FHL5: variants seen among roughly 807,000 people sequenced by gnomAD.
FHL5 encodes the protein four and a half LIM domains protein 5.
A neutral mutation model predicts 32.0 loss-of-function variants in FHL5; 33 were observed. The observed-to-expected ratio is 1.03, with a 90% CI of 0.78 to 1.38. The LOEUF is 1.38. Ranked by LOEUF, FHL5 falls within the 40% of genes most tolerant of loss-of-function variation. FHL5 has a pLI of 0.00. For synonymous variants in FHL5, 114 were observed against 113.6 expected, an observed-to-expected ratio of 1.00 and a Z score of -0.02; for missense variants, 336 against 343.9, an observed-to-expected ratio of 0.98 and a Z score of 0.18.
In FHL5 at chr6:96,618,335, A is replaced by G. The variant is rs1279686073; in HGVS notation, c.*2563A>G. On this transcript the variant is annotated 3_prime_UTR_variant, in exon 6 of 6. Transcript: ENST00000450218. ...AAAGCAAATCCCATGTGCCAATAAC[A>G]ACCAGATGGCTTGGAAGTAGCAGAG... Among the ~76,000 whole-genome samples, 1 of 152,348 alleles carries G rather than the reference A, an allele frequency of 6.6e-6. No homozygotes were observed. Among genetic ancestry groups the G allele is most frequent in the Non-Finnish European group, 1.5e-5 (1 of 68,028 alleles).
intron 4 of FHL5, among the ~76,000 whole-genome samples, chr6:96,610,291 A>G (rs1400307137): frequency 2.0e-5 from 3 of 152,180 alleles, no homozygotes; most frequent in African/African-American, 7.2e-5. Context: ...AGAAAAATAT[A>G]CAATAATTTC....
At chr6:96,580,988 T>G (rs1053218846) in intron 1 of FHL5, among the ~76,000 whole-genome samples, 6 of 152,208 alleles carry the variant, frequency 3.9e-5, no homozygotes, top group African/African-American at 1.4e-4. Flanking sequence ...GTTTATTGCT[T>G]ATATTTGAAA....
At position 96,610,573 on chromosome 6, in the gene FHL5, T is replaced by C; in HGVS notation, c.506T>C (p.Val169Ala). The change falls in exon 5 of 6, where the codon GTG becomes GCG. Residue 169 changes from valine to alanine, a missense_variant and splice_region_variant. Physicochemically the swap from Val to Ala is moderately conservative, Grantham distance 64 (BLOSUM62 0). Transcript: ENST00000450218. ...FAHYCNFCKK[V>A]ITSGGITFCD... The stretch of plus-strand genomic sequence containing the variant: ...TGCCTTTTCTGTGGTCTTTGGCAGG[T>C]GATAACTTCAGGTGGGATAACATTT... The C allele has an allele frequency of 6.2e-7, 1 of 1,612,648 alleles. No homozygotes were observed.
chr6:96,564,710 AC>A (rs1770315855), intron 1 of FHL5, among the ~76,000 whole-genome samples: 1 of 152,210 alleles, frequency 6.6e-6, no homozygotes, highest in Non-Finnish European at 1.5e-5. Flanking sequence ...AATCGAGGGA[AC>A]ATGATCTCTT....
At chr6:96,568,874 A>C (rs1269812021) in intron 1 of FHL5, among the ~76,000 whole-genome samples, 1 of 151,796 alleles carries the variant, frequency 6.6e-6, no homozygotes, top group Non-Finnish European at 1.5e-5. Context: ...AGCCAATGGA[A>C]TGTTGATTTT....
rs1771531291 is a variant in FHL5 at position 96,616,851 on chromosome 6, A to AT, written c.*1081dup. Among the ~76,000 whole-genome samples, 2 of 152,202 alleles carry AT rather than the reference A, an allele frequency of 1.3e-5. No individual in the cohort carries two copies. Among genetic ancestry groups the AT allele is most frequent in the African/African-American group, 4.8e-5 (2 of 41,446 alleles). On this transcript the variant is annotated 3_prime_UTR_variant, in exon 6 of 6. Coordinates refer to ENST00000450218, the MANE Select transcript of FHL5 (RefSeq NM_001322466.2). ...GAAAAAGAATAATTCACTGCTGATA[A>AT]TTCAGAACCTGCAAAGCAGCACAAT...
Position 96,617,359 on chromosome 6 carries a change from C to A in FHL5, c.*1587C>A, listed in dbSNP as rs1363609090. Among the ~76,000 whole-genome samples the A allele has an allele frequency of 6.6e-6, 1 of 152,142 alleles. No homozygotes were observed. The highest frequency in any genetic ancestry group is 1.5e-5 in the Non-Finnish European group (1 of 68,026). ...CTGCTGATTACAATTACCAAAATAGCATCACAGGAGATTCAATTAAAATTG... is the reference window on the plus strand; with the variant it reads ...CTGCTGATTACAATTACCAAAATAGAATCACAGGAGATTCAATTAAAATTG... On this transcript the variant is annotated 3_prime_UTR_variant, in exon 6 of 6. Transcript: ENST00000450218.
chr6:96,613,353 A>T (rs141407470), intron 5 of FHL5, among the ~76,000 whole-genome samples: 2 of 152,336 alleles, frequency 1.3e-5, no homozygotes, highest in East Asian at 3.9e-4. Context: ...CTCCAGATAT[A>T]GCTACCATAT....
chr6:96,597,965 C>T (rs115386455), intron 1 of FHL5, among the ~76,000 whole-genome samples: 1,764 of 152,220 alleles, frequency 0.012, 32 homozygotes, highest in African/African-American at 0.034. Context: ...CCTCAGGAAA[C>T]CATTGCAAAG....
chr6:96,596,825 C>A (rs1189487907), intron 1 of FHL5, among the ~76,000 whole-genome samples: 1 of 151,998 alleles, frequency 6.6e-6, no homozygotes, highest in Non-Finnish European at 1.5e-5. Context: ...TATAACTAAA[C>A]CTGAGTTAAT....
At chr6:96,606,095 C>A in intron 4 of FHL5, 24 bp downstream of exon 4, 1 of 1,592,484 alleles carries the variant, frequency 6.3e-7, no homozygotes, top group Non-Finnish European at 8.6e-7. Context: ...GAGGGTGAAG[C>A]TTGTGGAAAC....
rs113891466 is a variant in FHL5 at position 96,567,378 on chromosome 6, C to T, written c.-13+4023C>T. On this transcript the variant is annotated intron_variant, in intron 1 of 5. Transcript: ENST00000450218. ...ATTCATATGCCAATATCATGCTATC[C>T]GGGTTACTATAGTTTTGAAATATAT... Among the ~76,000 whole-genome samples, 674 of 151,866 alleles carry T rather than the reference C, an allele frequency of 4.4e-3. 4 individuals carry two copies. The highest frequency in any genetic ancestry group is 0.013 in the African/African-American group (523 of 41,482).
At chr6:96,595,751 C>T (rs1431797971) in intron 1 of FHL5, among the ~76,000 whole-genome samples, 1 of 151,568 alleles carries the variant, frequency 6.6e-6, no homozygotes, top group African/African-American at 2.4e-5. Flanking sequence ...AAGTTTTTAT[C>T]TCTTTTATTT....
intron 1 of FHL5, among the ~76,000 whole-genome samples, chr6:96,572,344 A>C (rs990706654): frequency 6.6e-6 from 1 of 152,152 alleles, no homozygotes; most frequent in Non-Finnish European, 1.5e-5. Context: ...TAGCCAAGGT[A>C]CTGTTTTCCC....
At chr6:96,581,523 T>A (rs1770696487) in intron 1 of FHL5, among the ~76,000 whole-genome samples, 1 of 152,204 alleles carries the variant, frequency 6.6e-6, no homozygotes, top group South Asian at 2.1e-4. Flanking sequence ...AGATGGGGCC[T>A]GTGTTACAGG....
intron 1 of FHL5, among the ~76,000 whole-genome samples, chr6:96,584,418 T>C (rs1346680534): frequency 6.6e-6 from 1 of 150,530 alleles, no homozygotes; most frequent in Non-Finnish European, 1.5e-5. Flanking sequence ...TGGAAGTGGC[T>C]GAAGCACAGG....
intron 1 of FHL5, among the ~76,000 whole-genome samples, chr6:96,600,597 T>C (rs966470250): frequency 6.6e-6 from 1 of 152,212 alleles, no homozygotes; most frequent in African/African-American, 2.4e-5. Context: ...ATAATAGTTC[T>C]CTAAGAATTC....
chr6:96,593,508 A>G (rs1315458457), intron 1 of FHL5, among the ~76,000 whole-genome samples: 1 of 152,144 alleles, frequency 6.6e-6, no homozygotes, highest in Non-Finnish European at 1.5e-5. Flanking sequence ...GGTAATTCAA[A>G]GCTGGGCTTC....
In FHL5 at chr6:96,603,772, G is replaced by T; in HGVS notation, c.159G>T (p.Lys53Asn). The T allele has an allele frequency of 6.2e-7, 1 of 1,605,628 alleles. No individual in the cohort carries two copies. The highest frequency in any genetic ancestry group is 1.3e-5 in the African/African-American group (1 of 74,836). The change falls in exon 2 of 6, where the codon AAG becomes AAT. Residue 53 changes from lysine to asparagine, a missense_variant and splice_region_variant. Physicochemically the swap from Lys to Asn is moderately conservative, Grantham distance 94 (BLOSUM62 0). Coordinates refer to ENST00000450218, the MANE Select transcript of FHL5 (RefSeq NM_001322466.2). Reference sequence around the variant, plus strand: ...AAAAACCAATTGAATCTGATTCTAAGGTAAGTCTCACCTCAATTTACAGAA... The same window carrying T: ...AAAAACCAATTGAATCTGATTCTAATGTAAGTCTCACCTCAATTTACAGAA... ...ECKKPIESDS[K>N]DLCYKDRHWH...
Sources: gnomAD v4.1 joint callset for allele counts (sites outside exome capture counted in the v4.1 genomes callset) on GRCh38, gnomAD v4.1.1 for gene constraint, MANE v1.5 for transcripts, NCBI Gene and HGNC (gene_info 2026-07-23, HGNC 2026-07-21) for gene names.